The following UBE3D variants were observed in gnomAD, a reference collection of about 807,000 sequenced individuals.
UBE3D encodes E3 ubiquitin-protein ligase E3D.
In UBE3D, 48 loss-of-function variants were observed where a neutral mutation model predicts 49.6. The ratio of observed to expected loss-of-function variants is 0.97; its 90% CI spans 0.77 to 1.23. The LOEUF is 1.23. Ranked by LOEUF, UBE3D falls within the 50% of genes most tolerant of loss-of-function variation. The probability of loss-of-function intolerance (pLI) is 0.00; values close to 1 mark genes in which losing one functional copy is unlikely to be tolerated. For synonymous variants in UBE3D, 189 were observed against 174.2 expected (o/e 1.08, Z -0.67); for missense variants, 452 against 468.4 (o/e 0.96, Z 0.32).
intron 8 of UBE3D, among the ~76,000 whole-genome samples, chr6:83,008,193 C>A (rs866915893): frequency 2.0e-5 from 3 of 152,044 alleles, no homozygotes; most frequent in African/African-American, 7.2e-5. Flanking sequence ...ATTTACTAGA[C>A]GCCAGTAGTT....
intron 9 of UBE3D, among the ~76,000 whole-genome samples, chr6:82,899,349 C>T (rs373194557): frequency 6.6e-6 from 1 of 152,164 alleles, no homozygotes; most frequent in East Asian, 1.9e-4. Context: ...AGCCTTCCAA[C>T]CCTGAACTTT....
At chr6:82,938,531 C>T (rs1774763856) in intron 9 of UBE3D, 1 of 152,178 alleles carries the variant, frequency 6.6e-6, no homozygotes, top group Non-Finnish European at 1.5e-5. Context: ...AAAACACAAA[C>T]TTGATGACAA....
intron 9 of UBE3D, among the ~76,000 whole-genome samples, chr6:82,902,429 C>T (rs1771803796): frequency 6.6e-6 from 1 of 152,160 alleles, no homozygotes; most frequent in Admixed American, 6.6e-5. Flanking sequence ...CACCATGGAA[C>T]ACTGCTCAGC....
At chr6:83,000,448 C>G (rs1000164450) in intron 8 of UBE3D, among the ~76,000 whole-genome samples, 3 of 152,186 alleles carry the variant, frequency 2.0e-5, no homozygotes, top group African/African-American at 7.2e-5. Flanking sequence ...TCTCTCAAAT[C>G]TATTGCAGCT....
Position 83,032,258 on chromosome 6 carries a change from A to T in UBE3D, c.667+6158T>A, listed in dbSNP as rs560175879. The T allele has an allele frequency of 6.4e-4, 293 of 455,798 alleles. 2 individuals carry two copies. Among genetic ancestry groups the T allele is most frequent in the African/African-American group, 5.7e-3 (288 of 50,200 alleles). 28.2% of individuals were successfully genotyped at this position (455,798 alleles called of 1,614,324 possible). On this transcript the variant is annotated intron_variant, in intron 5 of 9. Coordinates refer to ENST00000369747, the MANE Select transcript of UBE3D (RefSeq NM_198920.3). The stretch of plus-strand genomic sequence containing the variant: ...GGGCCGTACCCGGCAAAACCACAGG[A>T]ACAGAGCTGTTCAAGGCCATGGGAG...
In UBE3D at chr6:83,031,136, T is replaced by G. The variant is rs113972519; in HGVS notation, c.668-7098A>C. 9.6e-3 allele frequency among the ~76,000 whole-genome samples: 1,464 copies of G among 152,288 alleles called. 22 individuals carry two copies. Among genetic ancestry groups the G allele is most frequent in the African/African-American group, 0.034 (1,393 of 41,552 alleles). On this transcript the variant is annotated intron_variant, in intron 5 of 9. Transcript: ENST00000369747. ...GATTATCATGCCTCAGCCGCCCAAG[T>G]AGCTGGGCCTACAGGCGTGCACCAA...
intron 9 of UBE3D, among the ~76,000 whole-genome samples, chr6:82,956,315 C>T (rs1456453605): frequency 1.3e-5 from 2 of 152,162 alleles, no homozygotes; most frequent in Admixed American, 1.3e-4. Flanking sequence ...TGTGCAATTA[C>T]ATATAGTAGT....
At chr6:82,957,531 A>T in intron 8 of UBE3D, 81 bp from the exon 9 acceptor site, 1 of 1,474,016 alleles carries the variant, frequency 6.8e-7, no homozygotes, top group South Asian at 1.4e-5. Flanking sequence ...AAGAAAACTC[A>T]ATTGTGAGAG....
intron 9 of UBE3D, among the ~76,000 whole-genome samples, chr6:82,901,275 A>G (rs1452875723): frequency 6.6e-6 from 1 of 152,018 alleles, no homozygotes; most frequent in African/African-American, 2.4e-5. Context: ...AAAAAAAAAA[A>G]AGAGTAAGTG....
chr6:82,970,096 T>TTA (rs1777240064), intron 8 of UBE3D, among the ~76,000 whole-genome samples: 1 of 147,980 alleles, frequency 6.8e-6, no homozygotes, highest in Non-Finnish European at 1.5e-5. Flanking sequence ...TTATATATAA[T>TTA]TATATATAAT....
intron 8 of UBE3D, among the ~76,000 whole-genome samples, chr6:83,003,863 A>G (rs980719879): frequency 6.6e-6 from 1 of 152,188 alleles, no homozygotes; most frequent in Non-Finnish European, 1.5e-5. Context: ...GCCATTTACA[A>G]ATGAAAGAAG....
intron 6 of UBE3D, among the ~76,000 whole-genome samples, chr6:83,023,181 G>A (rs1189850861): frequency 6.6e-6 from 1 of 152,126 alleles, no homozygotes; most frequent in Admixed American, 6.5e-5. Flanking sequence ...TTAAAACATA[G>A]GAGTCATTTG....
intron 5 of UBE3D, chr6:83,035,978 C>T (rs1782216849): frequency 6.6e-6 from 1 of 151,730 alleles, no homozygotes; most frequent in Non-Finnish European, 1.5e-5. Flanking sequence ...AATGTCTCTA[C>T]CTTCAGGAAA....
intron 9 of UBE3D, among the ~76,000 whole-genome samples, chr6:82,897,174 A>T (rs1305095186): frequency 1.3e-5 from 2 of 152,122 alleles, no homozygotes; most frequent in Non-Finnish European, 2.9e-5. Context: ...AAAAAAAAAC[A>T]CAAAACTTTC....
At chr6:83,022,400 TC>T in intron 7 of UBE3D, 52 bp downstream of exon 7, 1 of 1,185,602 alleles carries the variant, frequency 8.4e-7, no homozygotes, top group Non-Finnish European at 1.2e-6. Flanking sequence ...ACTGAAGAAT[TC>T]TGAGACCTTG....
intron 9 of UBE3D, among the ~76,000 whole-genome samples, chr6:82,900,640 C>A (rs547117606): frequency 6.6e-6 from 1 of 152,154 alleles, no homozygotes; most frequent in African/African-American, 2.4e-5. Flanking sequence ...TGTAAGGTTG[C>A]GACTGTGGAT....
intron 9 of UBE3D, among the ~76,000 whole-genome samples, chr6:82,927,227 C>T (rs293506): frequency 0.82 from 121,152 of 147,280 alleles, 50,112 homozygotes; most frequent in East Asian, 0.93. Context: ...TTTTTTTTTT[C>T]CCCCACCAAT....
chr6:83,003,118 T>C (rs1562173069), intron 8 of UBE3D, among the ~76,000 whole-genome samples: 4 of 152,146 alleles, frequency 2.6e-5, no homozygotes, highest in Admixed American at 2.0e-4. Flanking sequence ...ACTTAGACCT[T>C]TCTCATATGA....
intron 8 of UBE3D, among the ~76,000 whole-genome samples, chr6:82,986,672 T>A (rs908893251): frequency 2.7e-5 from 4 of 148,830 alleles, no homozygotes; most frequent in African/African-American, 9.8e-5. Context: ...GTATGGATTA[T>A]ACATATATCT....
Sources: allele counts gnomAD v4.1 joint callset (sites outside exome capture counted in the v4.1 genomes callset), GRCh38; gene constraint gnomAD v4.1.1; transcripts MANE v1.5; gene names NCBI Gene and HGNC (gene_info 2026-07-23, HGNC 2026-07-21).